Variants in DPP10 observed in about 807,000 individuals in gnomAD.
DPP10 encodes dipeptidyl peptidase like 10, also known as inactive dipeptidyl peptidase 10.
DPP10 carries 33 observed loss-of-function variants against 120.9 expected under a neutral mutation model. That is an observed-to-expected ratio of 0.27 (90% confidence interval 0.21 to 0.37). The LOEUF is 0.37. Ranked by LOEUF, DPP10 falls within the 10% of genes least tolerant of loss-of-function variation. The probability of loss-of-function intolerance (pLI) is 1.00; values close to 1 mark genes in which losing one functional copy is unlikely to be tolerated. For synonymous variants in DPP10, 337 were observed against 326.1 expected (o/e 1.03, Z -0.36); for missense variants, 816 against 942.8 (o/e 0.87, Z 1.76).
chr2:114,649,035 A>G (rs1013964676), intron 1 of DPP10, among the ~76,000 whole-genome samples: 13 of 152,236 alleles, frequency 8.5e-5, no homozygotes, highest in Admixed American at 1.3e-4. Flanking sequence ...CTGTTAATTT[A>G]ACAAGTTTAT....
chr2:115,117,154 T>C (rs1478664237), intron 1 of DPP10, among the ~76,000 whole-genome samples: 1 of 152,214 alleles, frequency 6.6e-6, no homozygotes, highest in Admixed American at 6.5e-5. Context: ...AAGCACTCAA[T>C]TAGTATCTGG....
At chr2:115,699,036 C>CAAA (rs1191197397) in intron 7 of DPP10, among the ~76,000 whole-genome samples, 4 of 50,788 alleles carry the variant, frequency 7.9e-5, no homozygotes, top group Admixed American at 2.4e-4. Context: ...AAAAAAAAAA[C>CAAA]AAAAAAAAAA....
intron 1 of DPP10, among the ~76,000 whole-genome samples, chr2:114,769,108 C>T (rs1032368655): frequency 1.3e-4 from 20 of 151,860 alleles, no homozygotes; most frequent in African/African-American, 4.1e-4. Flanking sequence ...ATCTAGAGGA[C>T]GGAATTAAGA....
chr2:115,566,275 T>A (rs1041326366), intron 5 of DPP10, among the ~76,000 whole-genome samples: 1 of 152,124 alleles, frequency 6.6e-6, no homozygotes, highest in Non-Finnish European at 1.5e-5. Context: ...ATATATCTTA[T>A]ATACGTTTTT....
intron 1 of DPP10, among the ~76,000 whole-genome samples, chr2:115,157,202 A>G (rs1051923217): frequency 6.7e-6 from 1 of 148,338 alleles, no homozygotes; most frequent in Non-Finnish European, 1.5e-5. Context: ...ATGACACAGA[A>G]GGGCGGTGGG....
chr2:115,477,125 T>C (rs2075138151), intron 3 of DPP10, among the ~76,000 whole-genome samples: 1 of 152,144 alleles, frequency 6.6e-6, no homozygotes, highest in African/African-American at 2.4e-5. Flanking sequence ...ATGCTCACTT[T>C]TGCCACTTCT....
intron 1 of DPP10, among the ~76,000 whole-genome samples, chr2:114,477,893 A>G (rs62172129): frequency 8.0e-6 from 1 of 125,006 alleles, no homozygotes; most frequent in African/African-American, 2.8e-5. Context: ...ATATATGTAC[A>G]TATGTGTATA....
chr2:114,701,539 T>C (rs1700383058), intron 1 of DPP10, among the ~76,000 whole-genome samples: 1 of 152,144 alleles, frequency 6.6e-6, no homozygotes, highest in Non-Finnish European at 1.5e-5. Context: ...AGGTAGAAAT[T>C]ATTGCTCTCA....
chr2:115,125,636 A>G lies in DPP10; in HGVS notation c.61-183603A>G, dbSNP rs148255917. 2.3e-3 allele frequency among the ~76,000 whole-genome samples: 320 copies of G among 136,278 alleles called. 1 individual carries two copies. The highest frequency in any genetic ancestry group is 8.4e-3 in the African/African-American group (295 of 35,202). The allele number at this position is 136,278 out of a possible 152,430, so 89.4% of individuals were successfully genotyped here. On this transcript the variant is annotated intron_variant, in intron 1 of 25. Coordinates refer to ENST00000410059, the MANE Select transcript of DPP10 (RefSeq NM_020868.6). ...GCCCAGGCTGGAGTGCAGTGGCATG[A>G]TCTTGGCTTACGGCAAGCGCCTCCT...
At chr2:115,632,525 A>G (rs533164231) in intron 5 of DPP10, among the ~76,000 whole-genome samples, 2 of 152,170 alleles carry the variant, frequency 1.3e-5, no homozygotes, top group South Asian at 4.1e-4. Flanking sequence ...AGCTCTTACA[A>G]GGCAGGCATG....
chr2:115,132,867 C>T (rs2050431366), intron 1 of DPP10, among the ~76,000 whole-genome samples: 1 of 152,012 alleles, frequency 6.6e-6, no homozygotes, highest in African/African-American at 2.4e-5. Flanking sequence ...TGTTCCTTTA[C>T]ATCTTGATTT....
At chr2:114,889,274 C>G (rs1044817228) in intron 1 of DPP10, among the ~76,000 whole-genome samples, 1 of 152,216 alleles carries the variant, frequency 6.6e-6, no homozygotes, top group African/African-American at 2.4e-5. Context: ...TTCACACTGT[C>G]TCCAGCACTG....
chr2:115,264,681 C>T (rs1300186801), intron 1 of DPP10, among the ~76,000 whole-genome samples: 3 of 152,118 alleles, frequency 2.0e-5, no homozygotes, highest in Admixed American at 6.5e-5. Flanking sequence ...TTTCACATAA[C>T]AAATTCAAAA....
intron 1 of DPP10, among the ~76,000 whole-genome samples, chr2:114,920,874 C>T (rs903194649): frequency 2.6e-5 from 4 of 152,056 alleles, no homozygotes; most frequent in Non-Finnish European, 5.9e-5. Flanking sequence ...ATACAGGAAC[C>T]GATGGTGATA....
chr2:114,521,611 T>C (rs77118439), intron 1 of DPP10, among the ~76,000 whole-genome samples: 8,609 of 152,096 alleles, frequency 0.057, 290 homozygotes, highest in South Asian at 0.11. Context: ...TGAAATCAAC[T>C]AAAACCAGAA....
chr2:115,349,197 G>GA (rs1293340104), intron 3 of DPP10, among the ~76,000 whole-genome samples: 2 of 151,962 alleles, frequency 1.3e-5, no homozygotes, highest in African/African-American at 4.8e-5. Flanking sequence ...ACTCATGTTG[G>GA]AAAAAAATAA....
intron 1 of DPP10, among the ~76,000 whole-genome samples, chr2:114,662,350 G>A (rs1697483797): frequency 3.9e-5 from 6 of 152,226 alleles, no homozygotes; most frequent in Admixed American, 1.3e-4. Flanking sequence ...GCACCGCTGC[G>A]CGGGGAGCTC....
At chr2:115,701,178 T>C (rs1309954870) in intron 7 of DPP10, among the ~76,000 whole-genome samples, 1 of 152,072 alleles carries the variant, frequency 6.6e-6, no homozygotes, top group African/African-American at 2.4e-5. Flanking sequence ...ACACTACTGA[T>C]TCAAAACTTA....
chr2:114,994,491 C>T (rs1700953603), intron 1 of DPP10, among the ~76,000 whole-genome samples: 1 of 152,052 alleles, frequency 6.6e-6, no homozygotes, highest in Non-Finnish European at 1.5e-5. Context: ...GCAAGCATCC[C>T]CCTCTGGACC....
Sources: gnomAD v4.1 joint callset for allele counts (sites outside exome capture counted in the v4.1 genomes callset) on GRCh38, gnomAD v4.1.1 for gene constraint, MANE v1.5 for transcripts, NCBI Gene and HGNC (gene_info 2026-07-23, HGNC 2026-07-21) for gene names.